The following FMO2 variants were observed in gnomAD, a reference collection of about 807,000 sequenced individuals.
FMO2 encodes the protein flavin containing dimethylaniline monoxygenase 2, also known as flavin-containing monooxygenase 2.
A neutral mutation model predicts 41.6 loss-of-function variants in FMO2; 33 were observed. The observed-to-expected ratio is 0.79, with a 90% CI of 0.60 to 1.06. FMO2 has a LOEUF of 1.06. Among genes scored for constraint, FMO2 ranks in the 50% least tolerant of loss-of-function variants. The pLI, the probability that FMO2 is intolerant of heterozygous loss-of-function variation, is 0.00. For synonymous variants in FMO2, 214 were observed against 219.6 expected (o/e 0.97, Z 0.23); for missense variants, 619 against 632.9 (o/e 0.98, Z 0.23).
In FMO2 at chr1:171,209,641, GACAAAA is replaced by G. The variant is rs1658904776; in HGVS notation, c.*498_*503del. ...AGTCGGGGATCACTCAAAACTACTA[GACAAAA>G]AAGTGAGAGGATAGATTTAGAAAAC... On this transcript the variant is annotated 3_prime_UTR_variant, in exon 9 of 9. Transcript: ENST00000209929. The G allele has an allele frequency of 6.6e-6, 1 of 152,106 alleles. No individual in the cohort carries two copies. Among genetic ancestry groups the G allele is most frequent in the African/African-American group, 2.4e-5 (1 of 41,406 alleles). 9.4% of individuals were successfully genotyped at this position (152,106 alleles called of 1,614,324 possible).
At chr1:171,187,441 C>T (rs900882236) in intron 2 of FMO2, among the ~76,000 whole-genome samples, 1 of 151,980 alleles carries the variant, frequency 6.6e-6, no homozygotes, top group African/African-American at 2.4e-5. Flanking sequence ...ATGCCAACAG[C>T]GATCTTTTTT....
At chr1:171,204,619 T>G (rs1249186274) in intron 6 of FMO2, among the ~76,000 whole-genome samples, 1 of 152,180 alleles carries the variant, frequency 6.6e-6, no homozygotes, top group African/African-American at 2.4e-5. Flanking sequence ...CTTTAGAATC[T>G]TTTAACAAAT....
At position 171,205,570 on chromosome 1, in the gene FMO2, GCCCCTAGGTTC is replaced by G. The variant is rs1658728381; in HGVS notation, c.1121_1131del (p.Pro374HisfsTer6). ...CCCTCGCGTGCATTGGTCTCATCCA[GCCCCTAGGTTC>G]CATTTTCCCAACTGCTGAACTTCAA... is the stretch of plus-strand genomic sequence containing the variant. On this transcript the variant is annotated frameshift_variant, in exon 7 of 9. Coordinates refer to ENST00000209929, the MANE Select transcript of FMO2 (RefSeq NM_001460.5). LOFTEE classifies it high-confidence loss of function. 1.9e-6 allele frequency: 3 copies of G among 1,613,406 alleles called. No individual in the cohort carries two copies. Among genetic ancestry groups the G allele is most frequent in the Non-Finnish European group, 2.5e-6 (3 of 1,179,778 alleles).
rs1659017867 is a variant in FMO2 at position 171,212,385 on chromosome 1, A to T, written c.*3240A>T. ...TTTCCTAGCCTCTACAACTAAGCCA[A>T]ATAAATTTCTGTTTATTATAAATAA... is the stretch of plus-strand genomic sequence containing the variant. On this transcript the variant is annotated 3_prime_UTR_variant, in exon 9 of 9. Transcript: ENST00000209929. 2.6e-5 allele frequency among the ~76,000 whole-genome samples: 4 copies of T among 152,142 alleles called. No homozygotes were observed. Among genetic ancestry groups the T allele is most frequent in the Admixed American group, 2.6e-4 (4 of 15,264 alleles).
At position 171,212,357 on chromosome 1, in the gene FMO2, G is replaced by C. The variant is rs1659016907; in HGVS notation, c.*3212G>C. On this transcript the variant is annotated 3_prime_UTR_variant, in exon 9 of 9. Transcript: ENST00000209929. ...CATCAGATGCTGGCCCCTTGGTCTTGAATTTCCTAGCCTCTACAACTAAGC... is the reference window on the plus strand; with the variant it reads ...CATCAGATGCTGGCCCCTTGGTCTTCAATTTCCTAGCCTCTACAACTAAGC... 6.6e-6 allele frequency among the ~76,000 whole-genome samples: 1 copy of C among 152,106 alleles called. No individual in the cohort carries two copies. The highest frequency in any genetic ancestry group is 2.4e-5 in the African/African-American group (1 of 41,426).
intron 2 of FMO2, 91 bp from the exon 3 acceptor site, chr1:171,193,244 C>T (rs1239215300): frequency 4.0e-6 from 3 of 757,460 alleles, no homozygotes; most frequent in African/African-American, 1.8e-5. Flanking sequence ...CAAAGACAAT[C>T]GCATTACCCA....
intron 2 of FMO2, among the ~76,000 whole-genome samples, chr1:171,187,505 G>A (rs1236061162): frequency 4.0e-5 from 6 of 151,774 alleles, no homozygotes; most frequent in African/African-American, 9.7e-5. Flanking sequence ...ACACCTGGAG[G>A]GTTTCTTTTA....
In FMO2 at chr1:171,207,733, C is replaced by T; in HGVS notation, c.1199C>T (p.Pro400Leu). The change falls in exon 8 of 9, where the codon CCC (proline) becomes CTC (leucine). Residue 400 changes from proline to leucine, a missense_variant. By Grantham distance (98) the Pro-to-Leu change is moderately conservative (BLOSUM62 -3). Coordinates refer to ENST00000209929, the MANE Select transcript of FMO2 (RefSeq NM_001460.5). ...TRVFKGLCSL[P>L]SERTMMMDII... is the part of the protein sequence containing the mutation. The stretch of plus-strand genomic sequence containing the variant: ...TATTCCTTAGGCTTGTGTAGCCTGC[C>T]CTCAGAGAGAACTATGATGATGGAC... 1 of 1,609,304 alleles carries T rather than the reference C, an allele frequency of 6.2e-7. No homozygotes were observed. The highest frequency in any genetic ancestry group is 8.5e-7 in the Non-Finnish European group (1 of 1,176,592).
chr1:171,196,809 CA>C lies in FMO2; in HGVS notation c.483del (p.Gly162ValfsTer28), dbSNP rs1658329185. Reference sequence around the variant, plus strand: ...CCTCATATCCCACTGAAGTCATTTCCAGGTGAGACCCGCTGGGATTCCCAGC... The same window carrying C: ...CCTCATATCCCACTGAAGTCATTTCCGGTGAGACCCGCTGGGATTCCCAGC... ...ILPHIPLKSFPGMERFKGQYF... is the reference protein window; with the variant it reads ...ILPHIPLKSFXGMERFKGQYF... On this transcript the variant is annotated frameshift_variant and splice_region_variant, in exon 4 of 9. Transcript: ENST00000209929. LOFTEE classifies it high-confidence loss of function. The C allele has an allele frequency of 1.2e-6, 2 of 1,611,950 alleles. No individual in the cohort carries two copies. Among genetic ancestry groups the C allele is most frequent in the Non-Finnish European group, 1.7e-6 (2 of 1,179,036 alleles).
chr1:171,207,647 A>C (rs1398682439), intron 7 of FMO2, 71 bp from the exon 8 acceptor site: 4 of 1,063,010 alleles, frequency 3.8e-6, no homozygotes, highest in Non-Finnish European at 5.7e-6. Flanking sequence ...TTTAATTTTA[A>C]GAATCAACAA....
intron 7 of FMO2, among the ~76,000 whole-genome samples, chr1:171,206,123 C>T (rs576391714): frequency 1.1e-3 from 167 of 152,260 alleles, no homozygotes; most frequent in South Asian, 9.6e-3. Flanking sequence ...GGTGTTACCT[C>T]CCTGCCTCCA....
At chr1:171,188,381 T>G (rs1311145422) in intron 2 of FMO2, among the ~76,000 whole-genome samples, 1 of 152,232 alleles carries the variant, frequency 6.6e-6, no homozygotes, top group African/African-American at 2.4e-5. Context: ...TTAGGCTTTA[T>G]TGAATATTAA....
Position 171,203,857 on chromosome 1 carries a change from C to A in FMO2, c.628-8C>A, listed in dbSNP as rs1050609871. ...CTAATTTAAACTGCATTTCTTTTTG[C>A]TTGCCAGGTTTTTATCAGCACCAGG... On this transcript the variant is annotated splice_region_variant and splice_polypyrimidine_tract_variant and intron_variant, in intron 5 of 8. Transcript: ENST00000209929. 3.7e-6 allele frequency: 6 copies of A among 1,612,770 alleles called. No individual in the cohort carries two copies. In the African/African-American group the frequency reaches 8.0e-5, roughly 22 times the overall value.
At position 171,191,750 on chromosome 1, in the gene FMO2, G is replaced by A. The variant is rs1400127405; in HGVS notation, c.133-1585G>A. 4.0e-5 allele frequency among the ~76,000 whole-genome samples: 6 copies of A among 151,412 alleles called. No individual in the cohort carries two copies. In the East Asian group the frequency reaches 7.8e-4, roughly 20 times the overall value. ...AAATTATTTGGTCTTGGGGCTGGGC[G>A]CAGTGGCTCATACCTGTAATCCCAG... is the stretch of plus-strand genomic sequence containing the variant. On this transcript the variant is annotated intron_variant, in intron 2 of 8. Transcript: ENST00000209929.
Position 171,209,278 on chromosome 1 carries a change from G to A in FMO2, c.*133G>A, listed in dbSNP as rs2102019898. 2 of 399,142 alleles carry A rather than the reference G, an allele frequency of 5.0e-6. No individual in the cohort carries two copies. Among genetic ancestry groups the A allele is most frequent in the Admixed American group, 4.3e-5 (1 of 23,036 alleles). 24.7% of individuals were successfully genotyped at this position (399,142 alleles called of 1,614,324 possible). ...AGAGTTAGGTAGTACAGGTAAGGGG[G>A]AAATTGTAAAGAATTAGCAGAATTA... On this transcript the variant is annotated 3_prime_UTR_variant, in exon 9 of 9. Transcript: ENST00000209929.
intron 6 of FMO2, 96 bp from the exon 7 acceptor site, chr1:171,205,183 C>A: frequency 1.5e-6 from 1 of 653,926 alleles, no homozygotes; most frequent in South Asian, 2.3e-5. Flanking sequence ...TTTGAAAAGC[C>A]CTTTTATTTT....
In FMO2 at chr1:171,212,064, T is replaced by A. The variant is rs1480528380; in HGVS notation, c.*2919T>A. ...CTCCAACTGCAGTTTACAATTTTTG[T>A]TCTTCTCCTGTAAAGAATGTCAATG... is the stretch of plus-strand genomic sequence containing the variant. On this transcript the variant is annotated 3_prime_UTR_variant, in exon 9 of 9. Coordinates refer to ENST00000209929, the MANE Select transcript of FMO2 (RefSeq NM_001460.5). 6.6e-6 allele frequency among the ~76,000 whole-genome samples: 1 copy of A among 152,228 alleles called. No individual in the cohort carries two copies. Among genetic ancestry groups the A allele is most frequent in the Non-Finnish European group, 1.5e-5 (1 of 68,040 alleles).
intron 2 of FMO2, among the ~76,000 whole-genome samples, chr1:171,186,901 T>A (rs1041939064): frequency 6.6e-6 from 1 of 152,326 alleles, no homozygotes; most frequent in African/African-American, 2.4e-5. Flanking sequence ...TAAATGGATA[T>A]AATAACAGGA....
intron 2 of FMO2, among the ~76,000 whole-genome samples, chr1:171,190,528 T>C (rs1658035119): frequency 6.6e-6 from 1 of 152,208 alleles, no homozygotes; most frequent in African/African-American, 2.4e-5. Context: ...AAACCCTCTG[T>C]CTCCACTTTC....
Sources: allele counts gnomAD v4.1 joint callset (sites outside exome capture counted in the v4.1 genomes callset), GRCh38; gene constraint gnomAD v4.1.1; transcripts MANE v1.5; gene names NCBI Gene and HGNC (gene_info 2026-07-23, HGNC 2026-07-21).